LAMA2: variants seen among roughly 807,000 people sequenced by gnomAD.
LAMA2 encodes laminin subunit alpha-2.
A neutral mutation model predicts 364.8 loss-of-function variants in LAMA2; 269 were observed. That is an observed-to-expected ratio of 0.74 (90% CI 0.67 to 0.82). LAMA2 has a LOEUF of 0.82. Ranked by LOEUF, LAMA2 falls within the 40% of genes least tolerant of loss-of-function variation. LAMA2 has a pLI of 0.00. For missense variants in LAMA2, 3,807 were observed against 3,873.2 expected, an observed-to-expected ratio of 0.98 and a Z score of 0.45; for synonymous variants, 1,379 against 1,370.6, an observed-to-expected ratio of 1.01 and a Z score of -0.14.
intron 12 of LAMA2, among the ~76,000 whole-genome samples, chr6:129,199,178 C>G (rs562743354): frequency 6.6e-6 from 1 of 152,038 alleles, no homozygotes; most frequent in Non-Finnish European, 1.5e-5. Context: ...TTTTATCATC[C>G]GTGTTTGAGG....
At chr6:129,016,521 T>C (rs914525442) in intron 1 of LAMA2, among the ~76,000 whole-genome samples, 3 of 151,968 alleles carry the variant, frequency 2.0e-5, no homozygotes, top group Non-Finnish European at 4.4e-5. Flanking sequence ...ACAACTGTTA[T>C]ACCCAACAGC....
chr6:129,238,555 A>G (rs1007837081), intron 12 of LAMA2, among the ~76,000 whole-genome samples: 1 of 146,572 alleles, frequency 6.8e-6, no homozygotes, highest in Admixed American at 6.8e-5. Context: ...GAGCGTGTTC[A>G]TGTGTGTGTG....
intron 37 of LAMA2, among the ~76,000 whole-genome samples, chr6:129,396,228 A>G (rs962970694): frequency 6.6e-6 from 1 of 152,228 alleles, no homozygotes; most frequent in Non-Finnish European, 1.5e-5. Context: ...TAACCAGGGT[A>G]TTTGAGGTTG....
Position 129,402,465 on chromosome 6 carries a change from G to T in LAMA2, c.5704G>T (p.Asp1902Tyr). 1 of 1,614,096 alleles carries T rather than the reference G, an allele frequency of 6.2e-7. No homozygotes were observed. The highest frequency in any genetic ancestry group is 1.1e-5 in the South Asian group (1 of 91,060). Residue 1902 changes from aspartate (D) to tyrosine (Y), a missense_variant, in exon 39 of 65, where the codon GAC becomes TAC. This residue lies in a region of LAMA2 where 3,333 missense variants were observed against 3,345.7 expected (regional missense o/e 1.00). Transcript: ENST00000421865. ...QAESHAAQLNDSSAVLDGILD... is the reference protein window; with the variant it reads ...QAESHAAQLNYSSAVLDGILD... ...TGAGAGCCACGCAGCTCAGTTGAAT[G>T]ACTCATCTGCTGTCCTTGATGGGTA...
chr6:129,316,232 C>T, intron 27 of LAMA2, 61 bp downstream of exon 27: 2 of 1,296,062 alleles, frequency 1.5e-6, no homozygotes, highest in Non-Finnish European at 2.2e-6. Context: ...AGGTTATTGA[C>T]CTACAGATAT....
intron 3 of LAMA2, among the ~76,000 whole-genome samples, chr6:129,087,939 A>G (rs12211909): frequency 0.13 from 18,444 of 147,190 alleles, 1,279 homozygotes; most frequent in African/African-American, 0.15. Flanking sequence ...GGTGTTTCTC[A>G]CAGAGGGGGA....
At chr6:129,425,547 C>A (rs1469605183) in intron 40 of LAMA2, among the ~76,000 whole-genome samples, 1 of 151,898 alleles carries the variant, frequency 6.6e-6, no homozygotes. Context: ...AAGTCTACTA[C>A]CCAATAGTTA....
At chr6:129,088,487 C>T (rs1562227900) in intron 3 of LAMA2, among the ~76,000 whole-genome samples, 2 of 146,220 alleles carry the variant, frequency 1.4e-5, no homozygotes, top group Admixed American at 1.4e-4. Flanking sequence ...AGGCGCCCCC[C>T]ACCTCCCTCC....
chr6:129,259,084 T>C (rs1786922328), intron 14 of LAMA2, among the ~76,000 whole-genome samples: 1 of 152,136 alleles, frequency 6.6e-6, no homozygotes, highest in Admixed American at 6.6e-5. Context: ...AATTTCCTTT[T>C]CTGCTTCCTG....
At position 129,514,461 on chromosome 6, in the gene LAMA2, A is replaced by G. The variant is rs374613653; in HGVS notation, c.9077A>G (p.His3026Arg). ...GGGCATTTGTGTGATGGACAATGGC[A>G]TAAAGTCACTGCCAACAAGATCAAA... ...VPGHLCDGQW[H>R]KVTANKIKHR... The change falls in exon 64 of 65, where the codon CAT becomes CGT. Residue 3026 changes from histidine to arginine, a missense_variant. By Grantham distance (29) the His-to-Arg change is conservative. Coordinates refer to ENST00000421865, the MANE Select transcript of LAMA2 (RefSeq NM_000426.4). 8 of 1,614,014 alleles carry G rather than the reference A, an allele frequency of 5.0e-6. No individual in the cohort carries two copies. In the African/African-American group the frequency reaches 6.7e-5, roughly 13 times the overall value.
chr6:129,055,314 C>T (rs2114786482), intron 2 of LAMA2, among the ~76,000 whole-genome samples: 1 of 151,924 alleles, frequency 6.6e-6, no homozygotes, highest in Non-Finnish European at 1.5e-5. Context: ...GCCTCAGCCT[C>T]CTGAGTAGCT....
intron 10 of LAMA2, among the ~76,000 whole-genome samples, chr6:129,186,943 A>G (rs1781262594): frequency 6.6e-6 from 1 of 151,842 alleles, no homozygotes; most frequent in African/African-American, 2.4e-5. Flanking sequence ...TGTATATAGT[A>G]GTTCAGCTAT....
intron 12 of LAMA2, among the ~76,000 whole-genome samples, chr6:129,221,118 A>G (rs265346): frequency 0.92 from 139,061 of 150,466 alleles, 64,697 homozygotes; most frequent in Non-Finnish European, 0.97. Flanking sequence ...AGCCAAGATC[A>G]CACCACTGCA....
At chr6:128,963,719 C>T (rs529660217) in intron 1 of LAMA2, among the ~76,000 whole-genome samples, 1 of 152,174 alleles carries the variant, frequency 6.6e-6, no homozygotes, top group South Asian at 2.1e-4. Flanking sequence ...GTATGCTTTT[C>T]CTATGGCCAA....
intron 1 of LAMA2, among the ~76,000 whole-genome samples, chr6:128,902,488 T>A (rs1187043024): frequency 6.6e-6 from 1 of 151,712 alleles, no homozygotes; most frequent in African/African-American, 2.4e-5. Flanking sequence ...TGAGAAAAAA[T>A]CAAATATATA....
intron 12 of LAMA2, among the ~76,000 whole-genome samples, chr6:129,248,077 C>A (rs1785897893): frequency 6.6e-6 from 1 of 152,170 alleles, no homozygotes; most frequent in African/African-American, 2.4e-5. Flanking sequence ...ACTGCCTGAG[C>A]TCTACCGCCT....
intron 12 of LAMA2, among the ~76,000 whole-genome samples, chr6:129,202,370 G>A (rs562925207): frequency 6.8e-4 from 103 of 152,070 alleles, no homozygotes; most frequent in African/African-American, 2.3e-3. Flanking sequence ...GGGGCTTTTG[G>A]GGGAGTGATT....
chr6:129,250,012 T>G (rs1786056244), intron 12 of LAMA2, 100 bp from the exon 13 acceptor site: 1 of 777,764 alleles, frequency 1.3e-6, no homozygotes, highest in Non-Finnish European at 2.3e-6. Flanking sequence ...TTGCAAATAC[T>G]GCCCTATAGA....
chr6:129,373,764 T>G (rs1387848087), intron 34 of LAMA2, among the ~76,000 whole-genome samples: 1 of 152,128 alleles, frequency 6.6e-6, no homozygotes, highest in Non-Finnish European at 1.5e-5. Context: ...TTCTCATGAT[T>G]AGAATGGAAT....
Sources: gnomAD v4.1 joint callset for allele counts (sites outside exome capture counted in the v4.1 genomes callset) on GRCh38, gnomAD v4.1.1 for gene constraint, gnomAD v4.1.1 regional missense constraint, MANE v1.5 for transcripts, NCBI Gene and HGNC (gene_info 2026-07-23, HGNC 2026-07-21) for gene names.